Variants in HIVEP1 observed in about 807,000 individuals in gnomAD.
HIVEP1 encodes the protein zinc finger protein 40.
A neutral mutation model predicts 180.0 loss-of-function variants in HIVEP1; 36 were observed. The observed-to-expected ratio is 0.20, with a 90% CI of 0.15 to 0.26. The LOEUF is 0.26. Among genes scored for constraint, HIVEP1 ranks in the 10% least tolerant of loss-of-function variants. The pLI is 1.00. For synonymous variants in HIVEP1, 1,239 were observed against 1,239.0 expected (o/e 1.00, Z 0.00); for missense variants, 3,143 against 3,268.7 (o/e 0.96, Z 0.94).
chr6:12,108,565 C>T (rs184660922), intron 3 of HIVEP1, among the ~76,000 whole-genome samples: 35 of 152,354 alleles, frequency 2.3e-4, no homozygotes, highest in East Asian at 1.4e-3. Context: ...GGCGAGAAAT[C>T]GAGCGCAGCG....
At chr6:12,018,566 G>T (rs1490756962) in intron 2 of HIVEP1, among the ~76,000 whole-genome samples, 1 of 152,248 alleles carries the variant, frequency 6.6e-6, no homozygotes, top group East Asian at 1.9e-4. Context: ...GGTGAGAAAT[G>T]AATAGTATGG....
the HIVEP1 span, among the ~76,000 whole-genome samples, chr6:12,179,471 G>T: frequency 6.6e-6 from 1 of 152,168 alleles, no homozygotes; most frequent in Admixed American, 6.5e-5. Context: ...TAAAGAGACG[G>T]ATAGCTCAAT....
At chr6:12,040,815 C>T (rs184635032) in intron 2 of HIVEP1, among the ~76,000 whole-genome samples, 3 of 150,340 alleles carry the variant, frequency 2.0e-5, no homozygotes, top group African/African-American at 7.4e-5. Flanking sequence ...AGGAAGCTTC[C>T]AATCATGGTG....
chr6:12,093,716 T>G (rs1413325413), intron 3 of HIVEP1, among the ~76,000 whole-genome samples: 1 of 132,956 alleles, frequency 7.5e-6, no homozygotes, highest in Non-Finnish European at 1.6e-5. Flanking sequence ...TTCTTAGCTC[T>G]CTATTCTGTT....
At position 12,162,912 on chromosome 6, in the gene HIVEP1, A is replaced by AG. The variant is rs1199638019; in HGVS notation, c.6979-370dup. Among the ~76,000 whole-genome samples, 5 of 152,344 alleles carry AG rather than the reference A, an allele frequency of 3.3e-5. No homozygotes were observed. In the South Asian group the frequency reaches 1.0e-3, roughly 32 times the overall value. On this transcript the variant is annotated intron_variant, in intron 8 of 8. Transcript: ENST00000379388. ...ACTCTTAATCTCTAAAATAAGGTGG[A>AG]GCTGGTAGTGCCAGAAACAGAAATA...
chr6:12,058,024 T>C (rs975572123), intron 2 of HIVEP1, among the ~76,000 whole-genome samples: 7 of 152,156 alleles, frequency 4.6e-5, no homozygotes, highest in Admixed American at 2.6e-4. Flanking sequence ...AGAAAACCAA[T>C]TGTGGCTTTC....
chr6:12,196,732 C>T, the HIVEP1 span, among the ~76,000 whole-genome samples: 11 of 152,148 alleles, frequency 7.2e-5, no homozygotes, highest in South Asian at 2.1e-4. Flanking sequence ...AACCTTCATC[C>T]GCCATCCCCA....
intron 3 of HIVEP1, among the ~76,000 whole-genome samples, chr6:12,103,184 G>GTAATAA (rs60181903): frequency 0.069 from 10,244 of 147,586 alleles, 811 homozygotes; most frequent in African/African-American, 0.2. Flanking sequence ...TGTTGATTAT[G>GTAATAA]TAATAATAAT....
chr6:12,152,017 A>G (rs1458951516), intron 7 of HIVEP1, among the ~76,000 whole-genome samples: 1 of 152,112 alleles, frequency 6.6e-6, no homozygotes, highest in Non-Finnish European at 1.5e-5. Flanking sequence ...TTAGCCAGGC[A>G]TGGTGGCGGG....
chr6:12,025,036 T>G (rs940747004), intron 2 of HIVEP1, among the ~76,000 whole-genome samples: 3 of 152,230 alleles, frequency 2.0e-5, no homozygotes, highest in Non-Finnish European at 2.9e-5. Flanking sequence ...TGTTTTCTCA[T>G]TTGATTCCTA....
At chr6:12,175,023 A>G in the HIVEP1 span, among the ~76,000 whole-genome samples, 1 of 152,190 alleles carries the variant, frequency 6.6e-6, no homozygotes, top group Non-Finnish European at 1.5e-5. Flanking sequence ...GTTTATTTCA[A>G]TGACCATAGA....
At chr6:12,046,876 T>TGTGTGTGTGTGTGTGTGTG (rs1561885761) in intron 2 of HIVEP1, among the ~76,000 whole-genome samples, 29 of 151,010 alleles carry the variant, frequency 1.9e-4, no homozygotes, top group South Asian at 4.2e-4. Context: ...TGTGTGTGTG[T>TGTGTGTGTGTGTGTGTGTG]TTGAGATGGA....
chr6:12,041,025 G>A (rs769310347), intron 2 of HIVEP1, among the ~76,000 whole-genome samples: 1 of 152,160 alleles, frequency 6.6e-6, no homozygotes, highest in Non-Finnish European at 1.5e-5. Context: ...ATGAGATTTG[G>A]GTTGGGACAA....
rs749905391 is a variant in HIVEP1 at position 12,125,163 on chromosome 6, G to C, written c.5368G>C (p.Ala1790Pro). The change falls in exon 4 of 9, where the codon GCT becomes CCT. Residue 1790 changes from alanine to proline, a missense_variant. This residue lies in a region of HIVEP1 where 1,357 missense variants were observed against 1,260.5 expected (regional missense o/e 1.08). Transcript: ENST00000379388. ...LEALSSRVNEASKQKKPILVR... is the reference protein window; with the variant it reads ...LEALSSRVNEPSKQKKPILVR... ...GGCTTTGAGTTCGAGAGTTAATGAAGCTAGTAAACAGAAGAAGCCTATTTT... is the reference window on the plus strand; with the variant it reads ...GGCTTTGAGTTCGAGAGTTAATGAACCTAGTAAACAGAAGAAGCCTATTTT... The C allele has an allele frequency of 1.2e-6, 2 of 1,613,986 alleles. No homozygotes were observed. Among genetic ancestry groups the C allele is most frequent in the Admixed American group, 3.3e-5 (2 of 59,988 alleles).
chr6:12,114,454 GCTCACCC>G (rs1561953368), intron 3 of HIVEP1, among the ~76,000 whole-genome samples: 1 of 151,694 alleles, frequency 6.6e-6, no homozygotes, highest in Admixed American at 6.6e-5. Flanking sequence ...TTTGTTTCTA[GCTCACCC>G]CTAAGTGTAG....
rs754620621 is a variant in HIVEP1 at position 12,125,318 on chromosome 6, A to T, written c.5523A>T (p.Thr1841=). 1 of 1,613,914 alleles carries T rather than the reference A, an allele frequency of 6.2e-7. No individual in the cohort carries two copies. Among genetic ancestry groups the T allele is most frequent in the East Asian group, 2.2e-5 (1 of 44,902 alleles). The change falls in exon 4 of 9, where the codon ACA becomes ACT. Residue 1841 remains threonine, a synonymous_variant. Transcript: ENST00000379388. ...TNVLPADNSS[T]GCSKFVVIEP... The stretch of plus-strand genomic sequence containing the variant: ...TTTTACCAGCTGATAATTCATCAAC[A>T]GGATGCTCTAAATTTGTCGTTATAG...
chr6:12,204,033 C>A, the HIVEP1 span, among the ~76,000 whole-genome samples: 1 of 151,580 alleles, frequency 6.6e-6, no homozygotes, highest in African/African-American at 2.4e-5. Flanking sequence ...GCTGAGTTTG[C>A]ACCACTGCAC....
chr6:12,060,367 T>G (rs570510430), intron 2 of HIVEP1, among the ~76,000 whole-genome samples: 21 of 152,344 alleles, frequency 1.4e-4, no homozygotes, highest in African/African-American at 5.0e-4. Context: ...CAGTATAAAC[T>G]AAACCTGATA....
At chr6:12,166,360 G>C (rs1044821089), downstream of HIVEP1, among the ~76,000 whole-genome samples, 7 of 152,068 alleles carry the variant, frequency 4.6e-5, no homozygotes, top group Non-Finnish European at 8.8e-5. Flanking sequence ...TATACTTAAA[G>C]ACAAGTGTTA....
Sources: gnomAD v4.1 joint callset for allele counts (sites outside exome capture counted in the v4.1 genomes callset) on GRCh38, gnomAD v4.1.1 for gene constraint, gnomAD v4.1.1 regional missense constraint, MANE v1.5 for transcripts, NCBI Gene and HGNC (gene_info 2026-07-23, HGNC 2026-07-21) for gene names.